The following SLC23A3 variants were observed in gnomAD, a reference collection of about 807,000 sequenced individuals.
SLC23A3 encodes E2-binding protein 3.
A neutral mutation model predicts 64.7 loss-of-function variants in SLC23A3; 41 were observed. That is an observed-to-expected ratio of 0.63 (90% CI 0.49 to 0.82). SLC23A3 has a LOEUF of 0.82. Ranked by LOEUF, SLC23A3 falls within the 40% of genes least tolerant of loss-of-function variation. The pLI is 0.00. For synonymous variants in SLC23A3, 281 were observed against 306.8 expected (o/e 0.92, Z 0.88); for missense variants, 647 against 733.4 (o/e 0.88, Z 1.36).
At position 219,169,605 on chromosome 2, in the gene SLC23A3, A is replaced by G; in HGVS notation, c.236T>C (p.Leu79Pro). ...CAGGAGCTGAGAAGGGGAGTAAGAG[A>G]GTCCTCCTGGGGAGAGACTGCAAAG... ...LLLCSLSPGG[L>P]SYSPSQLLAS... The change falls in exon 2 of 12, where the codon CTC becomes CCC. Residue 79 changes from leucine (L) to proline (P), a missense_variant. By Grantham distance (98) the Leu-to-Pro change is moderately conservative (BLOSUM62 -3). Coordinates refer to ENST00000409878, the MANE Select transcript of SLC23A3 (RefSeq NM_001144889.2). The surrounding 1 kb of genome is among the most constrained non-coding windows in gnomAD (Gnocchi z 4.5). The G allele has an allele frequency of 6.2e-7, 1 of 1,614,224 alleles. No individual in the cohort carries two copies. Among genetic ancestry groups the G allele is most frequent in the Non-Finnish European group, 8.5e-7 (1 of 1,180,044 alleles).
At position 219,162,432 on chromosome 2, in the gene SLC23A3, A is replaced by G. The variant is rs924542784; in HGVS notation, c.1442-38T>C. On this transcript the variant is annotated intron_variant, in intron 10 of 11. Coordinates refer to ENST00000409878, the MANE Select transcript of SLC23A3 (RefSeq NM_001144889.2). ...GGGGCCAGGCAGGAAGGGAACTCTGATCCTATATCCAAGCCCAGGAGTCTT... is the reference window on the plus strand; with the variant it reads ...GGGGCCAGGCAGGAAGGGAACTCTGGTCCTATATCCAAGCCCAGGAGTCTT... 7 of 1,500,584 alleles carry G rather than the reference A, an allele frequency of 4.7e-6. No individual in the cohort carries two copies. The African/African-American group carries it at 6.9e-5, about 15-fold the overall frequency. 93.0% of individuals were successfully genotyped at this position (1,500,584 alleles called of 1,614,324 possible).
In SLC23A3 at chr2:219,162,377, C is replaced by G; in HGVS notation, c.1459G>C (p.Val487Leu). The change falls in exon 11 of 12, where the codon GTA becomes CTA. Residue 487 changes from valine (V) to leucine (L), a missense_variant. Coordinates refer to ENST00000409878, the MANE Select transcript of SLC23A3 (RefSeq NM_001144889.2). ...LFSTGWSPLD[V>L]LLHSLLTQPI... is the part of the protein sequence containing the mutation. ...TGTGTCAGCAGTGAGTGCAGTAATA[C>G]ATCCAAGGGGCTCCAGCCTATGAAG... is the stretch of plus-strand genomic sequence containing the variant. 6.2e-7 allele frequency: 1 copy of G among 1,613,918 alleles called. No homozygotes were observed. The highest frequency in any genetic ancestry group is 1.7e-4 in the Middle Eastern group (1 of 6,060).
At position 219,169,612 on chromosome 2, in the gene SLC23A3, C is replaced by T. The variant is rs553694661; in HGVS notation, c.229G>A (p.Gly77Arg). 2.4e-5 allele frequency: 39 copies of T among 1,614,032 alleles called. No homozygotes were observed. The highest frequency in any genetic ancestry group is 3.3e-5 in the Non-Finnish European group (39 of 1,180,020). The part of the protein sequence containing the change: ...HLLLLCSLSP[G>R]GLSYSPSQLL... ...TGAGAAGGGGAGTAAGAGAGTCCTC[C>T]TGGGGAGAGACTGCAAAGCAGGAGC... Residue 77 changes from glycine to arginine, a missense_variant, in exon 2 of 12, where the codon GGA (glycine) becomes AGA (arginine). Physicochemically the swap from Gly to Arg is moderately radical, Grantham distance 125. Transcript: ENST00000409878. The surrounding 1 kb of genome is among the most constrained non-coding windows in gnomAD (Gnocchi z 4.5).
chr2:219,162,936 A>G (rs1000053654), intron 10 of SLC23A3, among the ~76,000 whole-genome samples: 2 of 152,212 alleles, frequency 1.3e-5, no homozygotes, highest in Non-Finnish European at 2.9e-5. Context: ...CACCCAGTTG[A>G]GAACTGGGTG....
chr2:219,169,807 C>T lies in SLC23A3; in HGVS notation c.162+16G>A, dbSNP rs1950043357. ...CACCATCAGGCAGCACCAACTCCTG[C>T]ACCTCTGCCTCCTACCTGCAGAGCC... On this transcript the variant is annotated intron_variant, in intron 1 of 11. Coordinates refer to ENST00000409878, the MANE Select transcript of SLC23A3 (RefSeq NM_001144889.2). This position sits in a 1 kb window ranked among gnomAD's most constrained non-coding sequence, Gnocchi z 4.5. 1.9e-6 allele frequency: 3 copies of T among 1,613,670 alleles called. No homozygotes were observed. The highest frequency in any genetic ancestry group is 2.7e-5 in the African/African-American group (2 of 75,024).
intron 9 of SLC23A3, 74 bp from the exon 10 acceptor site, chr2:219,163,629 C>A: frequency 1.5e-6 from 2 of 1,351,634 alleles, no homozygotes; most frequent in East Asian, 2.3e-5. Flanking sequence ...TATTGCAGGG[C>A]AAGCAGGTTG....
chr2:219,166,983 T>C (rs1041708683), intron 7 of SLC23A3, among the ~76,000 whole-genome samples: 7 of 152,254 alleles, frequency 4.6e-5, no homozygotes, highest in South Asian at 2.1e-4. Context: ...GTTTCTGTCA[T>C]GTTCATCACT....
chr2:219,166,456 C>G (rs948224628), intron 7 of SLC23A3, among the ~76,000 whole-genome samples: 3 of 152,144 alleles, frequency 2.0e-5, no homozygotes, highest in Non-Finnish European at 2.9e-5. Flanking sequence ...CTCAGCCTCC[C>G]AAAGTGCTGG....
In SLC23A3 at chr2:219,169,054, C is replaced by T. The variant is rs1950034477; in HGVS notation, c.467G>A (p.Gly156Glu). 1.2e-6 allele frequency: 2 copies of T among 1,614,006 alleles called. No individual in the cohort carries two copies. The highest frequency in any genetic ancestry group is 1.3e-5 in the African/African-American group (1 of 74,892). ...CTCCTGGAGAGAAGTGTTCCAGTGC[C>T]CCAGGCCATGGCAGCTAGGTCCCCT... ...LCRGPSCHGL[G>E]HWNTSLQEVS... Residue 156 changes from glycine (G) to glutamate (E), a missense_variant, in exon 4 of 12, where the codon GGG (glycine) becomes GAG (glutamate). Transcript: ENST00000409878. The surrounding 1 kb of genome is among the most constrained non-coding windows in gnomAD (Gnocchi z 4.5).
Position 219,168,832 on chromosome 2 carries a change from A to G in SLC23A3, c.494T>C (p.Val165Ala). Reference protein sequence around the residue: ...LGHWNTSLQEVSGAVVVSGLL... With the variant: ...LGHWNTSLQEASGAVVVSGLL... ...CCCAGATACTACCACTGCCCCGGAC[A>G]CCTGGTAGAAGAGAGGAGAGGATGG... Residue 165 changes from valine to alanine, a missense_variant and splice_region_variant, in exon 5 of 12, where the codon GTG becomes GCG. Coordinates refer to ENST00000409878, the MANE Select transcript of SLC23A3 (RefSeq NM_001144889.2). 6.3e-7 allele frequency: 1 copy of G among 1,580,982 alleles called. No homozygotes were observed. Among genetic ancestry groups the G allele is most frequent in the Non-Finnish European group, 8.6e-7 (1 of 1,164,058 alleles).
rs1006788202 is a variant in SLC23A3 at position 219,163,686 on chromosome 2, G to GT, written c.1274-132dup. ...CAAGAGAATGATTTTTGTTTTTTTT[G>GT]TTTTTTTGTTTTTTTGGTTTTTTTT... On this transcript the variant is annotated intron_variant, in intron 9 of 11. Transcript: ENST00000409878. The GT allele has an allele frequency of 2.5e-4, 229 of 914,354 alleles. 1 individual carries two copies. Among genetic ancestry groups the GT allele is most frequent in the Middle Eastern group, 6.4e-4 (2 of 3,148 alleles). The allele number at this position is 914,354 out of a possible 1,614,324, so 56.6% of individuals were successfully genotyped here. A position where few individuals can be genotyped will look rare whatever the true frequency, so the allele number is the denominator to read the frequency against.
At chr2:219,166,328 T>C (rs1301959662) in intron 7 of SLC23A3, among the ~76,000 whole-genome samples, 2 of 152,018 alleles carry the variant, frequency 1.3e-5, no homozygotes, top group African/African-American at 4.8e-5. Context: ...CTGAAGTAAC[T>C]GGGACTAAAG....
Position 219,162,345 on chromosome 2 carries a change from G to T in SLC23A3, c.1491C>A (p.Ile497=), listed in dbSNP as rs375981700. 8.7e-6 allele frequency: 14 copies of T among 1,614,034 alleles called. No homozygotes were observed. The highest frequency in any genetic ancestry group is 1.1e-5 in the Non-Finnish European group (13 of 1,180,028). Residue 497 remains isoleucine (I), a synonymous_variant, in exon 11 of 12, where the codon ATC becomes ATA. Transcript: ENST00000409878. ...GGAAGCCTGAGAGTCCAGCCAGGAA[G>T]ATGGGCTGTGTCAGCAGTGAGTGCA... ...VLLHSLLTQP[I]FLAGLSGFLL...
intron 7 of SLC23A3, among the ~76,000 whole-genome samples, chr2:219,166,763 G>C (rs1950009179): frequency 6.6e-6 from 1 of 151,650 alleles, no homozygotes; most frequent in Non-Finnish European, 1.5e-5. Context: ...CGAAATCCTT[G>C]CCTCAAGCAG....
intron 10 of SLC23A3, 88 bp downstream of exon 10, chr2:219,163,300 G>C: frequency 7.7e-7 from 1 of 1,303,718 alleles, no homozygotes; most frequent in Non-Finnish European, 1.1e-6. Context: ...CCAAAGCCCA[G>C]AGAAGGCTGT....
At position 219,161,843 on chromosome 2, in the gene SLC23A3, G is replaced by C; in HGVS notation, c.*66C>G. On this transcript the variant is annotated 3_prime_UTR_variant, in exon 12 of 12. Coordinates refer to ENST00000409878, the MANE Select transcript of SLC23A3 (RefSeq NM_001144889.2). The stretch of plus-strand genomic sequence containing the variant: ...CTCTGCCTACAAGAAAGAACAGTTT[G>C]GGAGCTGACTCTCCAGCAGATGAGA... The C allele has an allele frequency of 6.8e-7, 1 of 1,477,802 alleles. No individual in the cohort carries two copies. Among genetic ancestry groups the C allele is most frequent in the South Asian group, 1.4e-5 (1 of 72,748 alleles). 91.5% of individuals were successfully genotyped at this position (1,477,802 alleles called of 1,614,324 possible). A position where few individuals can be genotyped will look rare whatever the true frequency, so the allele number is the denominator to read the frequency against.
intron 7 of SLC23A3, among the ~76,000 whole-genome samples, chr2:219,166,891 G>A (rs538395713): frequency 6.6e-6 from 1 of 152,200 alleles, no homozygotes; most frequent in South Asian, 2.1e-4. Flanking sequence ...TCCCACAATG[G>A]CAATTTTATA....
rs970018569 is a variant in SLC23A3, at chr2:219,169,224, A to G, written c.418+85T>C. ...AGTGTCACAGTCTCACCACTGCCCAATCTCAATTCTGCACCCACCTACACC... is the reference window on the plus strand; with the variant it reads ...AGTGTCACAGTCTCACCACTGCCCAGTCTCAATTCTGCACCCACCTACACC... On this transcript the variant is annotated intron_variant, in intron 3 of 11. Transcript: ENST00000409878. The surrounding 1 kb of genome is among the most constrained non-coding windows in gnomAD (Gnocchi z 4.5). The G allele has an allele frequency of 7.4e-6, 12 of 1,611,990 alleles. No individual in the cohort carries two copies. The highest frequency in any genetic ancestry group is 1.3e-5 in the African/African-American group (1 of 74,870).
intron 10 of SLC23A3, among the ~76,000 whole-genome samples, chr2:219,162,746 C>T (rs1037198137): frequency 2.0e-5 from 3 of 152,186 alleles, no homozygotes; most frequent in East Asian, 3.8e-4. Context: ...GTCCTACTGA[C>T]ATCTTGGACC....
Sources: allele counts gnomAD v4.1 joint callset (sites outside exome capture counted in the v4.1 genomes callset), GRCh38; gene constraint gnomAD v4.1.1; non-coding constraint Gnocchi (gnomAD v3.1); transcripts MANE v1.5; gene names NCBI Gene and HGNC (gene_info 2026-07-23, HGNC 2026-07-21).